Variants in FLI1 observed in about 807,000 individuals in gnomAD.
The protein encoded by FLI1 is Fli-1 proto-oncogene, ETS transcription factor, also known as Friend leukemia integration 1 transcription factor.
In FLI1, 13 loss-of-function variants were observed where a neutral mutation model predicts 53.1. The ratio of observed to expected loss-of-function variants is 0.24; its 90% CI spans 0.16 to 0.39. The LOEUF is 0.39. Ranked by LOEUF, FLI1 falls within the 10% of genes least tolerant of loss-of-function variation. The pLI, the probability that FLI1 is intolerant of heterozygous loss-of-function variation, is 1.00. For synonymous variants in FLI1, 244 were observed against 236.7 expected, an observed-to-expected ratio of 1.03 and a Z score of -0.28; for missense variants, 424 against 600.5, an observed-to-expected ratio of 0.71 and a Z score of 3.07.
chr11:128,748,238 A>T (rs888490507), intron 1 of FLI1: 4 of 983,518 alleles, frequency 4.1e-6, no homozygotes, highest in Non-Finnish European at 4.8e-6. Flanking sequence ...ATCTTCTAGG[A>T]ATTCTTTCTC....
At chr11:128,789,994 T>A (rs1213806081) in intron 5 of FLI1, among the ~76,000 whole-genome samples, 1 of 152,006 alleles carries the variant, frequency 6.6e-6, no homozygotes, top group Non-Finnish European at 1.5e-5. Context: ...TCTTCCTTTA[T>A]GATGAAATGT....
intron 1 of FLI1, among the ~76,000 whole-genome samples, chr11:128,701,254 G>C (rs1938320353): frequency 6.6e-6 from 1 of 152,042 alleles, no homozygotes; most frequent in African/African-American, 2.4e-5. Context: ...TTTTCAATTG[G>C]GCCTTCTATC....
chr11:128,701,464 G>T (rs1439571900), intron 1 of FLI1, among the ~76,000 whole-genome samples: 2 of 152,146 alleles, frequency 1.3e-5, no homozygotes, highest in African/African-American at 4.8e-5. Context: ...AACCAAAAAC[G>T]CAGAGACTCA....
Position 128,688,653 on chromosome 11 carries a change from G to A in FLI1, c.-203+1952G>A, listed in dbSNP as rs147640008. ...CTCCACCGGGGTCACGATCTGAACA[G>A]TGGTCTGGGCTCTGAGGGGTCCCAC... On this transcript the variant is annotated intron_variant, in intron 1 of 6. Transcript: ENST00000344954. 9.7e-3 allele frequency among the ~76,000 whole-genome samples: 1,473 copies of A among 152,318 alleles called. 23 individuals are homozygous for A. Among genetic ancestry groups the A allele is most frequent in the African/African-American group, 0.033 (1,378 of 41,572 alleles).
At chr11:128,780,944 T>C (rs1941896567) in intron 4 of FLI1, among the ~76,000 whole-genome samples, 2 of 152,204 alleles carry the variant, frequency 1.3e-5, no homozygotes, top group South Asian at 4.1e-4. Flanking sequence ...TCAAAGAGAA[T>C]GGCAAAAATG....
intron 1 of FLI1, among the ~76,000 whole-genome samples, chr11:128,754,445 G>C (rs1202476007): frequency 6.6e-6 from 1 of 152,162 alleles, no homozygotes; most frequent in Non-Finnish European, 1.5e-5. Flanking sequence ...GTAAAGAAAG[G>C]TTACTTGCAG....
At chr11:128,717,066 G>A (rs956572206) in intron 1 of FLI1, among the ~76,000 whole-genome samples, 5 of 152,058 alleles carry the variant, frequency 3.3e-5, no homozygotes, top group Admixed American at 2.0e-4. Context: ...AAGCAGTGGC[G>A]GCTTCTGCTT....
At chr11:128,724,152 G>A (rs766596691) in intron 1 of FLI1, among the ~76,000 whole-genome samples, 1 of 151,918 alleles carries the variant, frequency 6.6e-6, no homozygotes, top group Non-Finnish European at 1.5e-5. Context: ...ACCATGTTGG[G>A]CAGGCTGGTC....
chr11:128,803,693 C>T (rs1942697563), intron 5 of FLI1, among the ~76,000 whole-genome samples: 1 of 152,228 alleles, frequency 6.6e-6, no homozygotes, highest in African/African-American at 2.4e-5. Context: ...GCACACAATA[C>T]AGTGCAGAAG....
intron 1 of FLI1, among the ~76,000 whole-genome samples, chr11:128,709,493 A>G (rs1284941179): frequency 6.6e-6 from 1 of 152,148 alleles, no homozygotes; most frequent in East Asian, 1.9e-4. Flanking sequence ...ACAAGTACAG[A>G]TCAAACATCC....
upstream of FLI1, chr11:128,686,530 C>A (rs772340392): frequency 2.2e-6 from 1 of 454,828 alleles, no homozygotes; most frequent in South Asian, 1.6e-5. Context: ...GCTTCCCAAA[C>A]CCCTACAGTC....
intron 1 of FLI1, among the ~76,000 whole-genome samples, chr11:128,754,234 G>GGT (rs1940768569): frequency 1.0e-5 from 1 of 98,242 alleles, no homozygotes; most frequent in Admixed American, 1.2e-4. Context: ...ATAGAAGGGG[G>GGT]ATGTGTGTGT....
chr11:128,751,507 C>CT lies in FLI1; in HGVS notation c.19-6600dup, dbSNP rs903797673. 1.6e-3 allele frequency among the ~76,000 whole-genome samples: 237 copies of CT among 151,584 alleles called. 2 individuals carry two copies. The highest frequency in any genetic ancestry group is 8.4e-4 in the Non-Finnish European group (57 of 67,840). ...TAGGACCACAGACACACCACCACACCTTTTTTTTATTTTTTATTTTTATTT... is the reference window on the plus strand; with the variant it reads ...TAGGACCACAGACACACCACCACACCTTTTTTTTTATTTTTTATTTTTATTT... On this transcript the variant is annotated intron_variant, in intron 1 of 8. Transcript: ENST00000527786.
chr11:128,809,336 A>G (rs1591392486), intron 8 of FLI1, 132 bp downstream of exon 8: 1 of 792,770 alleles, frequency 1.3e-6, no homozygotes, highest in African/African-American at 1.7e-5. Flanking sequence ...GAAATGTTCA[A>G]TGTCTGTTTC....
rs114872244 is a variant in FLI1, at chr11:128,713,615, G to A, written c.18+19339G>A. Among the ~76,000 whole-genome samples the A allele has an allele frequency of 2.7e-3, 398 of 146,366 alleles. 2 individuals carry two copies. Among genetic ancestry groups the A allele is most frequent in the African/African-American group, 9.8e-3 (378 of 38,662 alleles). The stretch of plus-strand genomic sequence containing the variant: ...TCCTTGGACAGAGGTAATAGTCAAG[G>A]CAAAAAAAAAAAACAGTTATTGAGC... On this transcript the variant is annotated intron_variant, in intron 1 of 8. Transcript: ENST00000527786.
chr11:128,696,447 C>T (rs1308978936), intron 1 of FLI1, among the ~76,000 whole-genome samples: 1 of 152,100 alleles, frequency 6.6e-6, no homozygotes, highest in East Asian at 1.9e-4. Context: ...GACAGTGGAC[C>T]AGGAGAGAGG....
chr11:128,773,303 A>G (rs961672747), intron 4 of FLI1, among the ~76,000 whole-genome samples: 1 of 152,120 alleles, frequency 6.6e-6, no homozygotes, highest in Non-Finnish European at 1.5e-5. Context: ...ATAGATAGAG[A>G]TGGGTGGTGC....
chr11:128,783,516 G>A (rs1351218433), intron 5 of FLI1, among the ~76,000 whole-genome samples: 2 of 152,112 alleles, frequency 1.3e-5, no homozygotes, highest in African/African-American at 2.4e-5. Context: ...CTTGAGTTTT[G>A]TCATGAACGC....
intron 1 of FLI1, among the ~76,000 whole-genome samples, chr11:128,727,114 A>G (rs774612055): frequency 6.6e-6 from 1 of 152,204 alleles, no homozygotes; most frequent in Non-Finnish European, 1.5e-5. Context: ...GCATGTCCGT[A>G]GTTGAAAGAA....
Sources: allele counts gnomAD v4.1 joint callset (sites outside exome capture counted in the v4.1 genomes callset), GRCh38; gene constraint gnomAD v4.1.1; transcripts MANE v1.5; gene names NCBI Gene and HGNC (gene_info 2026-07-23, HGNC 2026-07-21).